The following GPR155 variants were observed in gnomAD, a reference collection of about 807,000 sequenced individuals.
GPR155 encodes the protein G protein-coupled receptor 155.
A neutral mutation model predicts 93.1 loss-of-function variants in GPR155; 65 were observed. That is an observed-to-expected ratio of 0.70 (90% CI 0.57 to 0.86). The LOEUF (loss-of-function observed/expected upper bound fraction) is 0.86, where lower values mean the gene tolerates loss of function less well. Among genes scored for constraint, GPR155 ranks in the 40% least tolerant of loss-of-function variants. The probability of loss-of-function intolerance (pLI) is 0.00; values close to 1 mark genes in which losing one functional copy is unlikely to be tolerated. For synonymous variants in GPR155, 319 were observed against 360.1 expected, an observed-to-expected ratio of 0.89 and a Z score of 1.29; for missense variants, 838 against 1,034.8, an observed-to-expected ratio of 0.81 and a Z score of 2.61.
At chr2:174,481,019 T>A (rs1688303147) in intron 2 of GPR155, among the ~76,000 whole-genome samples, 1 of 152,176 alleles carries the variant, frequency 6.6e-6, no homozygotes, top group African/African-American at 2.4e-5. Flanking sequence ...GCTCAAGTGA[T>A]CTGCCCCCCT....
In GPR155 at chr2:174,470,501, G is replaced by T; in HGVS notation, c.915C>A (p.Asp305Glu). 6.2e-7 allele frequency: 1 copy of T among 1,613,786 alleles called. No homozygotes were observed. The highest frequency in any genetic ancestry group is 8.5e-7 in the Non-Finnish European group (1 of 1,179,894). ...ATAAACTTGTATGGTTCACCACACTGTCGCCCTTGTCCAAGAGTTCCACCA... is the reference window on the plus strand; with the variant it reads ...ATAAACTTGTATGGTTCACCACACTTTCGCCCTTGTCCAAGAGTTCCACCA... ...REMVELLDKG[D>E]SVVNHTSLSN... The change falls in exon 4 of 16, where the codon GAC becomes GAA. Residue 305 changes from aspartate to glutamate, a missense_variant. Asp to Glu is a conservative substitution (Grantham distance 45). Transcript: ENST00000392552.
chr2:174,448,496 A>T, intron 11 of GPR155, among the ~76,000 whole-genome samples: 1 of 150,460 alleles, frequency 6.6e-6, no homozygotes, highest in South Asian at 2.1e-4. Flanking sequence ...TAACAAAAAC[A>T]CTATACTGGG....
intron 12 of GPR155, among the ~76,000 whole-genome samples, chr2:174,445,610 T>C (rs1486235676): frequency 6.6e-6 from 1 of 152,196 alleles, no homozygotes; most frequent in Non-Finnish European, 1.5e-5. Context: ...CTCACGAGCA[T>C]CCCAGTGTGC....
intron 4 of GPR155, 33 bp from the exon 5 acceptor site, chr2:174,469,100 A>G (rs909133608): frequency 1.9e-6 from 3 of 1,599,000 alleles, no homozygotes; most frequent in Non-Finnish European, 2.6e-6. Flanking sequence ...AGGAGTTACA[A>G]TCTCAATTAA....
intron 1 of GPR155, among the ~76,000 whole-genome samples, chr2:174,486,446 A>G (rs1250385419): frequency 6.6e-6 from 1 of 152,230 alleles, no homozygotes; most frequent in African/African-American, 2.4e-5. Context: ...TCACAACGTC[A>G]TGGTAACTAA....
chr2:174,441,210 A>G (rs1314274140), intron 14 of GPR155, among the ~76,000 whole-genome samples: 2 of 151,998 alleles, frequency 1.3e-5, no homozygotes, highest in African/African-American at 2.4e-5. Context: ...CTTTTTTTTA[A>G]GCATAATATA....
At chr2:174,470,264 C>G in intron 4 of GPR155, 126 bp downstream of exon 4, 2 of 749,996 alleles carry the variant, frequency 2.7e-6, no homozygotes, top group South Asian at 2.0e-5. Context: ...CCTGGGGCAA[C>G]ATAGTGAGAC....
rs767907615 is a variant in GPR155 at position 174,436,349 on chromosome 2, C to T, written c.2380G>A (p.Gly794Ser). 25 of 1,614,028 alleles carry T rather than the reference C, an allele frequency of 1.5e-5. No homozygotes were observed. The highest frequency in any genetic ancestry group is 9.3e-6 in the Non-Finnish European group (11 of 1,180,026). The stretch of plus-strand genomic sequence containing the variant: ...GCTTCACCACGGTCGGAGGCAAGGC[C>T]GACTTCAATTAGCCAGCTCACCAGG... ...CDLVSWLIEV[G>S]LASDRGEAVI... Residue 794 changes from glycine (G) to serine (S), a missense_variant, in exon 16 of 16, where the codon GGC becomes AGC. By Grantham distance (56) the Gly-to-Ser change is moderately conservative (BLOSUM62 0). This residue lies in a region of GPR155 where 146 missense variants were observed against 177.5 expected (regional missense o/e 0.82). Coordinates refer to ENST00000392552, the MANE Select transcript of GPR155 (RefSeq NM_152529.7).
Position 174,481,996 on chromosome 2 carries a change from A to T in GPR155, c.-31-9T>A, listed in dbSNP as rs1478291860. On this transcript the variant is annotated splice_polypyrimidine_tract_variant and intron_variant, in intron 1 of 15. Transcript: ENST00000392552. ...CAACTCCAACCAGATCTCTGGAAAG[A>T]AAGGAAGAAAGATTCAGTATGGCCA... 7.3e-7 allele frequency: 1 copy of T among 1,372,846 alleles called. No individual in the cohort carries two copies. Among genetic ancestry groups the T allele is most frequent in the East Asian group, 2.3e-5 (1 of 43,442 alleles). The allele number at this position is 1,372,846 out of a possible 1,614,324, so 85.0% of individuals were successfully genotyped here. A position where few individuals can be genotyped will look rare whatever the true frequency, so the allele number is the denominator to read the frequency against.
intron 15 of GPR155, among the ~76,000 whole-genome samples, chr2:174,437,792 C>A (rs1434178247): frequency 2.6e-5 from 4 of 151,632 alleles, no homozygotes; most frequent in Admixed American, 6.6e-5. Context: ...CCATGTTGGT[C>A]AGGCTGGTCT....
At position 174,472,816 on chromosome 2, in the gene GPR155, C is replaced by T; in HGVS notation, c.860+149G>A. The T allele has an allele frequency of 1.2e-5, 7 of 602,170 alleles. No homozygotes were observed. The South Asian group carries it at 1.4e-4, about 12-fold the overall frequency. The allele number at this position is 602,170 out of a possible 1,614,324, so 37.3% of individuals were successfully genotyped here. On this transcript the variant is annotated intron_variant, in intron 3 of 15. Coordinates refer to ENST00000392552, the MANE Select transcript of GPR155 (RefSeq NM_152529.7). ...TAAGGAAATGACTTTCCACAATACA[C>T]CATCACATTTTCCTTTATCTCACAA...
rs370610270 is a variant in GPR155, at chr2:174,481,759, T to A, written c.198A>T (p.Thr66=). 1.2e-6 allele frequency: 2 copies of A among 1,614,110 alleles called. No individual in the cohort carries two copies. The highest frequency in any genetic ancestry group is 2.2e-5 in the South Asian group (2 of 91,090). ...TTCCTAGTCCTTTGGCCTGGGTTGA[T>A]GTTATGACATTGGCCCTTCCTGCTA... The part of the protein sequence containing the change: ...GYIAGRANVI[T]STQAKGLGNF... The change falls in exon 2 of 16, where the codon ACA becomes ACT. Residue 66 remains threonine (T), a synonymous_variant. Transcript: ENST00000392552.
At chr2:174,469,145 T>A in intron 4 of GPR155, 78 bp from the exon 5 acceptor site, 1 of 1,188,102 alleles carries the variant, frequency 8.4e-7, no homozygotes, top group Non-Finnish European at 1.2e-6. Context: ...CACGGCACAC[T>A]AAAGCATTCT....
rs536489628 is a variant in GPR155 at position 174,452,086 on chromosome 2, G to A, written c.1876+1651C>T. ...TTTACTACTAGGTATATTGTGTAGG[G>A]AGATAACAATAAGGAGGAAAACCTT... On this transcript the variant is annotated intron_variant, in intron 11 of 15. Coordinates refer to ENST00000392552, the MANE Select transcript of GPR155 (RefSeq NM_152529.7). 9.9e-5 allele frequency among the ~76,000 whole-genome samples: 15 copies of A among 152,278 alleles called. No homozygotes were observed. The South Asian group carries it at 2.3e-3, about 23-fold the overall frequency.
chr2:174,439,875 A>C (rs1230493860), intron 15 of GPR155, 23 bp downstream of exon 15: 1 of 1,599,116 alleles, frequency 6.3e-7, no homozygotes, highest in African/African-American at 1.3e-5. Context: ...ATTGTCTAGA[A>C]CCTGTACTGG....
chr2:174,436,477 A>G, intron 15 of GPR155, 61 bp from the exon 16 acceptor site: 1 of 1,484,426 alleles, frequency 6.7e-7, no homozygotes, highest in African/African-American at 1.4e-5. Context: ...ACTGCATGAT[A>G]GAGGACAAGC....
intron 11 of GPR155, among the ~76,000 whole-genome samples, chr2:174,451,773 G>A (rs1258238385): frequency 9.9e-5 from 15 of 151,994 alleles, no homozygotes; most frequent in Admixed American, 9.8e-4. Flanking sequence ...AGCCTCCTGG[G>A]TAGCTGGGAT....
Position 174,433,091 on chromosome 2 carries a change from T to C in GPR155, c.*3025A>G, listed in dbSNP as rs956282556. The stretch of plus-strand genomic sequence containing the variant: ...ATGCAGGTTTTTAAAAAACTGTTTA[T>C]TTGTTGCATTAAAAGGGCAATGACT... On this transcript the variant is annotated 3_prime_UTR_variant, in exon 16 of 16. Transcript: ENST00000392552. 1.3e-5 allele frequency: 2 copies of C among 152,122 alleles called. No individual in the cohort carries two copies. The highest frequency in any genetic ancestry group is 1.5e-5 in the Non-Finnish European group (1 of 68,024). 9.4% of individuals were successfully genotyped at this position (152,122 alleles called of 1,614,324 possible).
Position 174,442,132 on chromosome 2 carries a change from G to T in GPR155, c.2161C>A (p.Pro721Thr). Residue 721 changes from proline to threonine, a missense_variant, in exon 14 of 16, where the codon CCT (proline) becomes ACT (threonine). By Grantham distance (38) the Pro-to-Thr change is conservative. Around this residue, in one of 3 missense-constraint regions of GPR155, gnomAD observed 29 missense variants for 67.1 expected, o/e 0.43. Transcript: ENST00000392552. ...AACTTAATTTACCTTCTTTTGAAAG[G>T]CAGGATGATTAAATGTTTATCTAAT... ...FGLDKHLIILPFKRRLEFLWN... is the reference protein window; with the variant it reads ...FGLDKHLIILTFKRRLEFLWN... The T allele has an allele frequency of 2.2e-6, 3 of 1,356,930 alleles. No homozygotes were observed. The highest frequency in any genetic ancestry group is 3.2e-6 in the Non-Finnish European group (3 of 947,260). The allele number at this position is 1,356,930 out of a possible 1,614,324, so 84.1% of individuals were successfully genotyped here.
Sources: allele counts gnomAD v4.1 joint callset (sites outside exome capture counted in the v4.1 genomes callset), GRCh38; gene constraint gnomAD v4.1.1; regional missense constraint gnomAD v4.1.1; transcripts MANE v1.5; gene names NCBI Gene and HGNC (gene_info 2026-07-23, HGNC 2026-07-21).